CYS1: variants seen among roughly 807,000 people sequenced by gnomAD.
CYS1 encodes the protein cystin 1, also known as cystin-1.
CYS1 carries 5 observed loss-of-function variants against 9.6 expected under a neutral mutation model. That is an observed-to-expected ratio of 0.52 (90% CI 0.27 to 1.10). The LOEUF is 1.10. CYS1 is among the 50% of genes least tolerant of loss of function. The pLI is 0.11. For missense variants in CYS1, 221 were observed against 207.9 expected (o/e 1.06, Z -0.39); for synonymous variants, 88 against 95.7 (o/e 0.92, Z 0.47).
intron 1 of CYS1, among the ~76,000 whole-genome samples, chr2:10,070,948 C>T (rs974689324): frequency 6.6e-6 from 1 of 151,240 alleles, no homozygotes; most frequent in Non-Finnish European, 1.5e-5. Context: ...CACGCCCAGC[C>T]TGAGAACCCT....
chr2:10,070,279 G>C (rs760441325), intron 1 of CYS1, among the ~76,000 whole-genome samples: 1 of 152,178 alleles, frequency 6.6e-6, no homozygotes, highest in Non-Finnish European at 1.5e-5. Context: ...ACCCTCTGAT[G>C]GGTGTGGCTT....
intron 1 of CYS1, among the ~76,000 whole-genome samples, chr2:10,072,980 A>AGCAGATGTGTGGGAGCAGT (rs1661792391): frequency 6.8e-6 from 1 of 147,072 alleles, no homozygotes; most frequent in Non-Finnish European, 1.5e-5. Context: ...GTGGGAGCAG[A>AGCAGATGTGTGGGAGCAGT]GCAGATGTGT....
At position 10,076,774 on chromosome 2, in the gene CYS1, A is replaced by C. The variant is rs1661849763; in HGVS notation, c.318+3132T>G. On this transcript the variant is annotated intron_variant, in intron 1 of 2. Transcript: ENST00000381813. This position sits in a 1 kb window ranked among gnomAD's most constrained non-coding sequence, Gnocchi z 4.3. ...CCAGGACAGAGCCCGGTGCCCATCC[A>C]TGCTTCCTAAGCACACGCTGGCAGC... Among the ~76,000 whole-genome samples the C allele has an allele frequency of 6.6e-6, 1 of 152,074 alleles. No individual in the cohort carries two copies. The highest frequency in any genetic ancestry group is 2.4e-5 in the African/African-American group (1 of 41,412).
At position 10,063,375 on chromosome 2, in the gene CYS1, G is replaced by A. The variant is rs968543346; in HGVS notation, c.371+2529C>T. Reference sequence around the variant, plus strand: ...GGAAGGGGATAGAGTATGAGGGGGAGATGTTTAAACTGTGCTTTGAAGGGT... The same window carrying A: ...GGAAGGGGATAGAGTATGAGGGGGAAATGTTTAAACTGTGCTTTGAAGGGT... On this transcript the variant is annotated intron_variant, in intron 2 of 2. Transcript: ENST00000381813. The surrounding 1 kb of genome is among the most constrained non-coding windows in gnomAD (Gnocchi z 4.2). 6.6e-6 allele frequency among the ~76,000 whole-genome samples: 1 copy of A among 152,168 alleles called. No homozygotes were observed. The highest frequency in any genetic ancestry group is 1.5e-5 in the Non-Finnish European group (1 of 68,032).
intron 1 of CYS1, among the ~76,000 whole-genome samples, chr2:10,068,882 T>C (rs1016633728): frequency 1.3e-5 from 2 of 151,914 alleles, no homozygotes; most frequent in African/African-American, 4.8e-5. Context: ...GCCAATGTGG[T>C]GAAACCCCAT....
intron 1 of CYS1, among the ~76,000 whole-genome samples, chr2:10,066,900 C>T (rs141988633): frequency 1.3e-5 from 2 of 152,302 alleles, no homozygotes; most frequent in East Asian, 1.9e-4. Flanking sequence ...TATAGCTTTA[C>T]AATAATGAGT....
chr2:10,072,060 TCGTGAAAA>T (rs2125290757), intron 1 of CYS1, among the ~76,000 whole-genome samples: 1 of 151,802 alleles, frequency 6.6e-6, no homozygotes, highest in Non-Finnish European at 1.5e-5. Context: ...ACTAAAGTTT[TCGTGAAAA>T]TTAAAGTTTC....
chr2:10,059,771 C>G (rs984900697), intron 2 of CYS1, among the ~76,000 whole-genome samples: 1 of 152,278 alleles, frequency 6.6e-6, no homozygotes, highest in African/African-American at 2.4e-5. Flanking sequence ...CTTGTACCCT[C>G]TGGGGTCTCA....
chr2:10,063,754 T>C lies in CYS1; in HGVS notation c.371+2150A>G, dbSNP rs1661658191. On this transcript the variant is annotated intron_variant, in intron 2 of 2. Coordinates refer to ENST00000381813, the MANE Select transcript of CYS1 (RefSeq NM_001037160.3). The surrounding 1 kb of genome is among the most constrained non-coding windows in gnomAD (Gnocchi z 4.2). ...TGCCACGGGAGTCAGGTGTGTGCCG[T>C]GGGCAGCGAGAAGCACAGTGGGTAC... Among the ~76,000 whole-genome samples, 1 of 152,050 alleles carries C rather than the reference T, an allele frequency of 6.6e-6. No homozygotes were observed. Among genetic ancestry groups the C allele is most frequent in the Non-Finnish European group, 1.5e-5 (1 of 67,994 alleles).
chr2:10,060,354 C>T (rs1261842686), intron 2 of CYS1, among the ~76,000 whole-genome samples: 4 of 152,260 alleles, frequency 2.6e-5, no homozygotes, highest in Non-Finnish European at 5.9e-5. Context: ...CCTCTGACTA[C>T]TCCCACTGAT....
chr2:10,073,121 T>G (rs1661794683), intron 1 of CYS1, among the ~76,000 whole-genome samples: 1 of 144,450 alleles, frequency 6.9e-6, no homozygotes, highest in Non-Finnish European at 1.5e-5. Context: ...AGATGGGCTC[T>G]GGGGGGCAGC....
chr2:10,073,206 ACCG>A lies in CYS1; in HGVS notation c.318+6697_318+6699del, dbSNP rs1661796006. On this transcript the variant is annotated intron_variant, in intron 1 of 2. Coordinates refer to ENST00000381813, the MANE Select transcript of CYS1 (RefSeq NM_001037160.3). Reference sequence around the variant, plus strand: ...AAGGACGTGACAAGGGGCTCTGGGAACCGCCCCCCCCCCCCCCCCGGCTGTGGG... The same window carrying A: ...AAGGACGTGACAAGGGGCTCTGGGAACCCCCCCCCCCCCCCCGGCTGTGGG... Among the ~76,000 whole-genome samples, 2 of 32,964 alleles carry A rather than the reference ACCG, an allele frequency of 6.1e-5. 1 individual carries two copies. Among genetic ancestry groups the A allele is most frequent in the Non-Finnish European group, 1.1e-4 (2 of 17,928 alleles). 21.6% of individuals were successfully genotyped at this position (32,964 alleles called of 152,430 possible). A position where few individuals can be genotyped will look rare whatever the true frequency, so the allele number is the denominator to read the frequency against.
intron 1 of CYS1, among the ~76,000 whole-genome samples, chr2:10,075,428 T>C (rs547177940): frequency 3.9e-4 from 60 of 152,366 alleles, no homozygotes; most frequent in Admixed American, 6.5e-4. Context: ...CCTGGATCAA[T>C]TGAAATATCA....
chr2:10,073,767 G>A (rs372230892), intron 1 of CYS1, among the ~76,000 whole-genome samples: 31 of 152,274 alleles, frequency 2.0e-4, no homozygotes, highest in Admixed American at 5.2e-4. Flanking sequence ...AGCATCTCTC[G>A]AAGAGTGCAT....
At chr2:10,064,719 T>C (rs911867157) in intron 2 of CYS1, among the ~76,000 whole-genome samples, 1 of 151,348 alleles carries the variant, frequency 6.6e-6, no homozygotes, top group African/African-American at 2.4e-5. Flanking sequence ...TTTTTATTTA[T>C]TTATTTATTT....
chr2:10,058,832 CG>C lies in CYS1; in HGVS notation c.*20del. 3 of 1,539,184 alleles carry C rather than the reference CG, an allele frequency of 1.9e-6. No homozygotes were observed. The highest frequency in any genetic ancestry group is 1.8e-6 in the Non-Finnish European group (2 of 1,139,126). ...GCCAGCAGGTGCCTCCGAGGCCTGG[CG>C]GGGGTGGAGCATGCTGTCCTCAGCG... On this transcript the variant is annotated 3_prime_UTR_variant, in exon 3 of 3. Coordinates refer to ENST00000381813, the MANE Select transcript of CYS1 (RefSeq NM_001037160.3).
Position 10,058,530 on chromosome 2 carries a change from T to C in CYS1, c.*323A>G, listed in dbSNP as rs1345361451. The C allele has an allele frequency of 7.4e-6, 2 of 271,356 alleles. No homozygotes were observed. Among genetic ancestry groups the C allele is most frequent in the Non-Finnish European group, 1.4e-5 (2 of 141,292 alleles). 16.8% of individuals were successfully genotyped at this position (271,356 alleles called of 1,614,324 possible). Reference sequence around the variant, plus strand: ...TAGTCCTCGTGAGCCCTCCCCACTGTGGAGAGCGGGCAACCAAGAGGGGCA... The same window carrying C: ...TAGTCCTCGTGAGCCCTCCCCACTGCGGAGAGCGGGCAACCAAGAGGGGCA... On this transcript the variant is annotated 3_prime_UTR_variant, in exon 3 of 3. Transcript: ENST00000381813.
chr2:10,060,756 G>A (rs535799268), intron 2 of CYS1, among the ~76,000 whole-genome samples: 1 of 152,232 alleles, frequency 6.6e-6, no homozygotes, highest in Non-Finnish European at 1.5e-5. Context: ...CCACGCAGTC[G>A]CTGTGTGGCT....
At chr2:10,064,677 C>T (rs375229131) in intron 2 of CYS1, among the ~76,000 whole-genome samples, 1 of 151,918 alleles carries the variant, frequency 6.6e-6, no homozygotes, top group Admixed American at 6.6e-5. Flanking sequence ...CGGCGAACTC[C>T]TGTACGTCCT....
Sources: allele counts gnomAD v4.1 joint callset (sites outside exome capture counted in the v4.1 genomes callset), GRCh38; gene constraint gnomAD v4.1.1; non-coding constraint Gnocchi (gnomAD v3.1); transcripts MANE v1.5; gene names NCBI Gene and HGNC (gene_info 2026-07-23, HGNC 2026-07-21).